LDHD: variants seen among roughly 807,000 people sequenced by gnomAD.
LDHD encodes D-lactate dehydrogenase, mitochondrial.
In LDHD, 58 loss-of-function variants were observed where a neutral mutation model predicts 52.9. The observed-to-expected ratio is 1.10, with a 90% confidence interval of 0.89 to 1.36. LDHD has a LOEUF of 1.36. Among genes scored for constraint, LDHD ranks in the 40% most tolerant of loss-of-function variants. The pLI is 0.00. For missense variants in LDHD, 747 were observed against 668.0 expected (o/e 1.12, Z -1.30); for synonymous variants, 350 against 288.6 (o/e 1.21, Z -2.16).
At chr16:75,112,986 C>A (rs1357233528) in intron 8 of LDHD, 62 bp from the exon 9 acceptor site, 10 of 1,288,244 alleles carry the variant, frequency 7.8e-6, no homozygotes, top group South Asian at 1.2e-5. Flanking sequence ...TCACCGTGGT[C>A]AAGGCTGAGG....
chr16:75,116,288 G>A (rs1269218106), intron 1 of LDHD, among the ~76,000 whole-genome samples: 2 of 152,006 alleles, frequency 1.3e-5, no homozygotes, highest in African/African-American at 4.8e-5. Context: ...GGGGGGCGGG[G>A]CGCGGCGGGG....
rs773922555 is a variant in LDHD at position 75,115,606 on chromosome 16, G to A, written c.127C>T (p.His43Tyr). ...CGGACCACCGCGGCAGTGGACACGTGGGAGCCGCCCACCACGGCCTTCAGA... is the reference window on the plus strand; with the variant it reads ...CGGACCACCGCGGCAGTGGACACGTAGGAGCCGCCCACCACGGCCTTCAGA... ...EALKAVVGGS[H>Y]VSTAAVVREQ... is the part of the protein sequence containing the mutation. Residue 43 changes from histidine to tyrosine, a missense_variant, in exon 2 of 11, where the codon CAC (histidine) becomes TAC (tyrosine). Coordinates refer to ENST00000450168, the MANE Select transcript of LDHD (RefSeq NM_194436.3). 3.1e-6 allele frequency: 5 copies of A among 1,612,596 alleles called. No individual in the cohort carries two copies. In the African/African-American group the frequency reaches 6.7e-5, roughly 22 times the overall value.
In LDHD at chr16:75,114,639, C is replaced by A; in HGVS notation, c.516G>T (p.Ala172=). The change falls in exon 5 of 11, where the codon GCG becomes GCT. Residue 172 remains alanine (A), a synonymous_variant. Coordinates refer to ENST00000450168, the MANE Select transcript of LDHD (RefSeq NM_194436.3). ...CGTAGCGGACCGCGTTGGTCCCCGA[C>A]GCCCCGGTGGCCGCCATGCCACAGA... ...ASLCGMAATG[A]SGTNAVRYGT... 6.5e-7 allele frequency: 1 copy of A among 1,531,094 alleles called. No homozygotes were observed. Among genetic ancestry groups the A allele is most frequent in the Non-Finnish European group, 8.8e-7 (1 of 1,141,102 alleles). 94.8% of individuals were successfully genotyped at this position (1,531,094 alleles called of 1,614,324 possible).
At position 75,113,872 on chromosome 16, in the gene LDHD, T is replaced by A. The variant is rs776820443; in HGVS notation, c.830-2A>T. 3.7e-6 allele frequency: 6 copies of A among 1,613,786 alleles called. No individual in the cohort carries two copies. The East Asian group carries it at 1.3e-4, about 36-fold the overall frequency. ...CCATCATGACTTCATCCAGGAACTC[T>A]GGATCCAGGGAGATGGCAGGCCAGG... On this transcript the variant is annotated splice_acceptor_variant, in intron 6 of 10. Transcript: ENST00000450168. LOFTEE classifies it high-confidence loss of function.
At position 75,115,327 on chromosome 16, in the gene LDHD, A is replaced by G. The variant is rs1445544895; in HGVS notation, c.198T>C (p.Pro66=). 6.2e-7 allele frequency: 1 copy of G among 1,613,518 alleles called. No homozygotes were observed. Among genetic ancestry groups the G allele is most frequent in the African/African-American group, 1.3e-5 (1 of 74,952 alleles). Residue 66 remains proline, a synonymous_variant, in exon 3 of 11, where the codon CCT becomes CCC. Transcript: ENST00000450168. ...RDESVHRCEP[P]DAVVWPQNVE... ...CGTTCTGGGGCCACACCACAGCATC[A>G]GGAGGTTCGCACCTAGAACCAGACC...
intron 1 of LDHD, 59 bp downstream of exon 1, chr16:75,116,589 AC>A: frequency 1.4e-6 from 2 of 1,419,050 alleles, no homozygotes; most frequent in South Asian, 1.2e-5. Flanking sequence ...TGGGATCAGA[AC>A]CCCCTGCTCC....
intron 5 of LDHD, 127 bp from the exon 6 acceptor site, chr16:75,114,292 C>T: frequency 2.0e-6 from 3 of 1,530,426 alleles, no homozygotes; most frequent in Admixed American, 1.9e-5. Flanking sequence ...CCCTCGGGCC[C>T]AGTTTCCCTG....
chr16:75,115,604 G>C lies in LDHD; in HGVS notation c.129C>G (p.His43Gln). The change falls in exon 2 of 11, where the codon CAC (histidine) becomes CAG (glutamine). Residue 43 changes from histidine to glutamine, a missense_variant. By Grantham distance (24) the His-to-Gln change is conservative. Coordinates refer to ENST00000450168, the MANE Select transcript of LDHD (RefSeq NM_194436.3). The part of the protein sequence containing the change: ...EALKAVVGGS[H>Q]VSTAAVVREQ... ...CTCGGACCACCGCGGCAGTGGACAC[G>C]TGGGAGCCGCCCACCACGGCCTTCA... The C allele has an allele frequency of 1.2e-6, 2 of 1,612,700 alleles. No homozygotes were observed. The highest frequency in any genetic ancestry group is 1.7e-5 in the Admixed American group (1 of 59,968).
intron 2 of LDHD, 96 bp downstream of exon 2, chr16:75,115,452 A>G: frequency 1.3e-6 from 2 of 1,588,394 alleles, no homozygotes; most frequent in South Asian, 1.1e-5. Context: ...GAGCACCCCA[A>G]AACAGATGAG....
rs747970985 is a variant in LDHD at position 75,112,310 on chromosome 16, C to T, written c.*46G>A. On this transcript the variant is annotated 3_prime_UTR_variant, in exon 11 of 11. Coordinates refer to ENST00000450168, the MANE Select transcript of LDHD (RefSeq NM_194436.3). ...GTGGCATGAAGAAAAGTTCCAGAAC[C>T]GGCTCCGTAGTCAGGGAACTTGTGG... The T allele has an allele frequency of 9.0e-5, 140 of 1,558,684 alleles. No individual in the cohort carries two copies. The highest frequency in any genetic ancestry group is 1.7e-4 in the Middle Eastern group (1 of 5,814).
chr16:75,115,177 G>A, intron 3 of LDHD, 21 bp downstream of exon 3: 1 of 1,605,658 alleles, frequency 6.2e-7, no homozygotes, highest in Non-Finnish European at 8.5e-7. Context: ...CCTCGGGCCG[G>A]GCGAGGGAGC....
chr16:75,114,933 T>G lies in LDHD; in HGVS notation c.363A>C (p.Arg121=). Residue 121 remains arginine (R), a synonymous_variant, in exon 4 of 11, where the codon CGA becomes CGC. Transcript: ENST00000450168. The part of the protein sequence containing the change: ...GVCVNLTHMD[R]ILELNQEDFS... ...AGTCCTCCTGGTTCAGCTCCAGGAT[T>G]CGGTCCATATGCGTCAGGTTAACGC... 5 of 1,613,874 alleles carry G rather than the reference T, an allele frequency of 3.1e-6. No homozygotes were observed. The highest frequency in any genetic ancestry group is 1.1e-5 in the South Asian group (1 of 91,078).
chr16:75,113,313 G>T (rs921516783), intron 8 of LDHD, among the ~76,000 whole-genome samples: 1 of 152,202 alleles, frequency 6.6e-6, no homozygotes, highest in Non-Finnish European at 1.5e-5. Context: ...TGGCTCACAG[G>T]AAGGGCTTTT....
In LDHD at chr16:75,116,700, A is replaced by C; in HGVS notation, c.21T>G (p.Ser7=). MARLLR[S]ATWELFPWRG... ...TCCAGGGGAACAGCTCCCAGGTTGCAGACCTGAGCAGTCGGGCCATAGCCA... is the reference window on the plus strand; with the variant it reads ...TCCAGGGGAACAGCTCCCAGGTTGCCGACCTGAGCAGTCGGGCCATAGCCA... Residue 7 remains serine, a synonymous_variant, in exon 1 of 11, where the codon TCT becomes TCG. Coordinates refer to ENST00000450168, the MANE Select transcript of LDHD (RefSeq NM_194436.3). 2 of 1,597,488 alleles carry C rather than the reference A, an allele frequency of 1.3e-6. No individual in the cohort carries two copies. Among genetic ancestry groups the C allele is most frequent in the Non-Finnish European group, 8.5e-7 (1 of 1,173,712 alleles).
Position 75,112,480 on chromosome 16 carries a change from C to T in LDHD, c.1331G>A (p.Gly444Asp), listed in dbSNP as rs917717837. 1 of 1,613,422 alleles carries T rather than the reference C, an allele frequency of 6.2e-7. No individual in the cohort carries two copies. Among genetic ancestry groups the T allele is most frequent in the South Asian group, 1.1e-5 (1 of 91,074 alleles). ...ALHGTCTGEH[G>D]IGMGKRQLLQ... is the part of the protein sequence containing the mutation. ...CAGCTGCCGCTTGCCCATTCCGATG[C>T]CATGCTCCCCCGTGCACGTTCCGTG... The change falls in exon 11 of 11, where the codon GGC becomes GAC. Residue 444 changes from glycine to aspartate, a missense_variant. Coordinates refer to ENST00000450168, the MANE Select transcript of LDHD (RefSeq NM_194436.3).
rs757901065 is a variant in LDHD, at chr16:75,112,873, C to T, written c.1138G>A (p.Val380Met). The T allele has an allele frequency of 2.0e-5, 32 of 1,613,428 alleles. No homozygotes were observed. The highest frequency in any genetic ancestry group is 2.5e-5 in the Non-Finnish European group (29 of 1,179,960). Residue 380 changes from valine to methionine, a missense_variant, in exon 9 of 11, where the codon GTG (valine) becomes ATG (methionine). Transcript: ENST00000450168. ...VPISRLPEIV[V>M]QTKEDLNASG... ...GCATTCAGATCCTCCTTGGTCTGCACCACGATCTCCGGCAGCCGGGAGATG... is the reference window on the plus strand; with the variant it reads ...GCATTCAGATCCTCCTTGGTCTGCATCACGATCTCCGGCAGCCGGGAGATG...
chr16:75,116,668 T>C lies in LDHD; in HGVS notation c.53A>G (p.Tyr18Cys), dbSNP rs767531013. The C allele has an allele frequency of 6.2e-7, 1 of 1,603,714 alleles. No individual in the cohort carries two copies. Among genetic ancestry groups the C allele is most frequent in the Non-Finnish European group, 8.5e-7 (1 of 1,175,686 alleles). Residue 18 changes from tyrosine (Y) to cysteine (C), a missense_variant, in exon 1 of 11, where the codon TAC becomes TGC. Physicochemically the swap from Tyr to Cys is radical, Grantham distance 194. Transcript: ENST00000450168. ...CGGTACCTTTGCCTTCTGGGAGCAG[T>C]AGCCCCTCCAGGGGAACAGCTCCCA... is the stretch of plus-strand genomic sequence containing the variant. ...ATWELFPWRGYCSQKAKGELC... is the reference protein window; with the variant it reads ...ATWELFPWRGCCSQKAKGELC...
rs549171181 is a variant in LDHD, at chr16:75,116,771, C to T, written c.-51G>A. 7.8e-7 allele frequency: 1 copy of T among 1,281,260 alleles called. No individual in the cohort carries two copies. The highest frequency in any genetic ancestry group is 1.4e-5 in the South Asian group (1 of 72,184). 79.4% of individuals were successfully genotyped at this position (1,281,260 alleles called of 1,614,324 possible). ...AGCACTGGGTGGCAGGGTGACCAGT[C>T]AGCTACTGTGGCAGCAGCTACTGCT... is the stretch of plus-strand genomic sequence containing the variant. On this transcript the variant is annotated 5_prime_UTR_variant, in exon 1 of 11. Coordinates refer to ENST00000450168, the MANE Select transcript of LDHD (RefSeq NM_194436.3).
Position 75,114,170 on chromosome 16 carries a change from G to A in LDHD, c.630-5C>T, listed in dbSNP as rs1233919146. ...TTGTAGCCGGCTGCACTCTTCCTAC[G>A]TCCCAGGGACACACAAGGTGAGTAC... On this transcript the variant is annotated splice_polypyrimidine_tract_variant and splice_region_variant and intron_variant, in intron 5 of 10. Transcript: ENST00000450168. The A allele has an allele frequency of 3.7e-6, 6 of 1,611,800 alleles. No individual in the cohort carries two copies. The East Asian group carries it at 1.1e-4, about 30-fold the overall frequency.
Sources: allele counts gnomAD v4.1 joint callset (sites outside exome capture counted in the v4.1 genomes callset), GRCh38; gene constraint gnomAD v4.1.1; transcripts MANE v1.5; gene names NCBI Gene and HGNC (gene_info 2026-07-23, HGNC 2026-07-21).